Variants in LPP observed in about 807,000 individuals in gnomAD.
LPP encodes lipoma-preferred partner.
A neutral mutation model predicts 60.4 loss-of-function variants in LPP; 38 were observed. The observed-to-expected ratio is 0.63, with a 90% CI of 0.49 to 0.83. The LOEUF is 0.83. Ranked by LOEUF, LPP falls within the 40% of genes least tolerant of loss-of-function variation. The pLI is 0.00. For synonymous variants in LPP, 328 were observed against 290.8 expected (o/e 1.13, Z -1.30); for missense variants, 902 against 783.6 (o/e 1.15, Z -1.80).
intron 6 of LPP, among the ~76,000 whole-genome samples, chr3:188,559,673 C>T (rs1830243435): frequency 6.6e-6 from 1 of 151,976 alleles, no homozygotes; most frequent in African/African-American, 2.4e-5. Context: ...CACCTCACCC[C>T]CTCCAGTTAT....
chr3:188,462,270 G>A (rs1799137404), intron 4 of LPP, among the ~76,000 whole-genome samples: 1 of 151,226 alleles, frequency 6.6e-6, no homozygotes, highest in African/African-American at 2.4e-5. Flanking sequence ...TGAAGATGGG[G>A]TAACTGAGAA....
chr3:188,268,961 A>AT (rs1204858963), intron 2 of LPP, among the ~76,000 whole-genome samples: 3 of 152,220 alleles, frequency 2.0e-5, no homozygotes, highest in Non-Finnish European at 2.9e-5. Flanking sequence ...GAGAAGATAA[A>AT]TAACTTGCTC....
intron 6 of LPP, among the ~76,000 whole-genome samples, chr3:188,586,875 G>A (rs1262559234): frequency 1.3e-5 from 2 of 151,818 alleles, no homozygotes; most frequent in East Asian, 1.9e-4. Context: ...CTACAGGCAC[G>A]CACCATCAGG....
intron 5 of LPP, among the ~76,000 whole-genome samples, chr3:188,509,870 G>T (rs868024434): frequency 0.016 from 704 of 44,102 alleles, 3 homozygotes; most frequent in Middle Eastern, 0.04. Flanking sequence ...TTTTTTTTTT[G>T]TTGTTTTTTT....
intron 9 of LPP, among the ~76,000 whole-genome samples, chr3:188,788,368 T>C (rs1742587997): frequency 1.3e-5 from 2 of 152,178 alleles, no homozygotes; most frequent in Non-Finnish European, 2.9e-5. Context: ...ATGGAATGTG[T>C]AGCTTTCCCA....
intron 3 of LPP, among the ~76,000 whole-genome samples, chr3:188,376,381 G>A (rs1269705556): frequency 6.6e-6 from 1 of 152,058 alleles, no homozygotes; most frequent in Non-Finnish European, 1.5e-5. Flanking sequence ...TTATGAATCT[G>A]GGTGCTCCTA....
At chr3:188,643,810 T>C (rs538783283) in intron 7 of LPP, among the ~76,000 whole-genome samples, 7 of 152,268 alleles carry the variant, frequency 4.6e-5, no homozygotes, top group African/African-American at 1.2e-4. Flanking sequence ...ATTGTTTTTC[T>C]TGAGTAACCT....
intron 9 of LPP, among the ~76,000 whole-genome samples, chr3:188,819,250 T>C (rs539509036): frequency 4.9e-4 from 74 of 152,238 alleles, no homozygotes; most frequent in African/African-American, 1.6e-3. Flanking sequence ...ATCGATCCCA[T>C]CATCCACACT....
chr3:188,275,496 A>G (rs368413590), intron 2 of LPP, among the ~76,000 whole-genome samples: 3 of 152,294 alleles, frequency 2.0e-5, no homozygotes, highest in Admixed American at 6.5e-5. Context: ...AGTAGCTGGG[A>G]CGGTGGGTGT....
At chr3:188,407,780 G>GTGT (rs1783922798) in intron 4 of LPP, among the ~76,000 whole-genome samples, 1 of 94,898 alleles carries the variant, frequency 1.1e-5, no homozygotes, top group African/African-American at 4.2e-5. Context: ...TTTTTTTTTT[G>GTGT]TTTGTTTGTT....
At chr3:188,637,789 G>A (rs1175768860) in intron 7 of LPP, among the ~76,000 whole-genome samples, 7 of 152,136 alleles carry the variant, frequency 4.6e-5, no homozygotes, top group Non-Finnish European at 8.8e-5. Context: ...TCCTTGATAC[G>A]TACATGCTCC....
chr3:188,179,191 C>T (rs1310254169), intron 1 of LPP: 1 of 453,118 alleles, frequency 2.2e-6, no homozygotes, highest in Admixed American at 2.4e-5. Flanking sequence ...AGCATGCTGC[C>T]CTCCAAGGCT....
intron 6 of LPP, among the ~76,000 whole-genome samples, chr3:188,535,904 TGAGAG>T (rs2150328271): frequency 6.6e-6 from 1 of 152,234 alleles, no homozygotes; most frequent in East Asian, 1.9e-4. Flanking sequence ...TTATATTCAG[TGAGAG>T]GAAAGAAGTT....
At chr3:188,341,851 G>A (rs1001307184) in intron 3 of LPP, 132 bp downstream of exon 3, 1 of 210,618 alleles carries the variant, frequency 4.7e-6, no homozygotes, top group Non-Finnish European at 8.2e-6. Flanking sequence ...CTGAAAAATG[G>A]CCAAGACAGT....
At chr3:188,288,577 C>T (rs1287941050) in intron 2 of LPP, among the ~76,000 whole-genome samples, 3 of 121,474 alleles carry the variant, frequency 2.5e-5, no homozygotes, top group Admixed American at 8.1e-5. Flanking sequence ...CATATGTACA[C>T]GTGCACACAC....
chr3:188,172,972 A>G (rs530368871), intron 1 of LPP, among the ~76,000 whole-genome samples: 7 of 152,242 alleles, frequency 4.6e-5, no homozygotes, highest in African/African-American at 1.4e-4. Flanking sequence ...GGTTCAAGCA[A>G]TCCTCCCACC....
At chr3:188,700,141 T>C (rs1049213953) in intron 7 of LPP, among the ~76,000 whole-genome samples, 2 of 152,158 alleles carry the variant, frequency 1.3e-5, no homozygotes, top group South Asian at 2.1e-4. Flanking sequence ...AATGAGCAGC[T>C]CTGGTACCCA....
At chr3:188,318,753 CTTTTTT>C (rs10708836) in intron 2 of LPP, among the ~76,000 whole-genome samples, 37 of 96,836 alleles carry the variant, frequency 3.8e-4, no homozygotes, top group East Asian at 2.7e-3. Flanking sequence ...AATTATGATT[CTTTTTT>C]TTTTTTTTTT....
Position 188,493,127 on chromosome 3 carries a change from CTGAGTCTTTGTATATCTAAAA to C in LPP, c.306+8429_306+8449del, listed in dbSNP as rs1251758994. ...GAAGGCTACATGCTTGATGTATTTC[CTGAGTCTTTGTATATCTAAAA>C]TGAGTTGTTATTGCCTTCATATTTG... On this transcript the variant is annotated intron_variant, in intron 5 of 11. Transcript: ENST00000617246. 2.6e-5 allele frequency among the ~76,000 whole-genome samples: 4 copies of C among 151,994 alleles called. No individual in the cohort carries two copies. The East Asian group carries it at 7.7e-4, about 29-fold the overall frequency.
Sources: allele counts gnomAD v4.1 joint callset (sites outside exome capture counted in the v4.1 genomes callset), GRCh38; gene constraint gnomAD v4.1.1; transcripts MANE v1.5; gene names NCBI Gene and HGNC (gene_info 2026-07-23, HGNC 2026-07-21).